Variants in BOC observed in about 807,000 individuals in gnomAD.
BOC encodes the protein BOC cell adhesion associated, oncogene regulated.
In BOC, 76 loss-of-function variants were observed where a neutral mutation model predicts 112.0. That is an observed-to-expected ratio of 0.68 (90% CI 0.56 to 0.82). The LOEUF (loss-of-function observed/expected upper bound fraction) is 0.82, where lower values mean the gene tolerates loss of function less well. Among genes scored for constraint, BOC ranks in the 40% least tolerant of loss-of-function variants. BOC has a pLI of 0.00. For missense variants in BOC, 1,309 were observed against 1,511.7 expected (o/e 0.87, Z 2.22); for synonymous variants, 580 against 599.8 (o/e 0.97, Z 0.48).
intron 2 of BOC, among the ~76,000 whole-genome samples, chr3:113,238,792 G>T (rs1206243805): frequency 1.3e-5 from 2 of 152,182 alleles, no homozygotes; most frequent in African/African-American, 4.8e-5. Flanking sequence ...ACCTTACAGG[G>T]CTACTGTGAG....
At chr3:113,247,047 C>T (rs1265110254) in intron 2 of BOC, among the ~76,000 whole-genome samples, 3 of 152,280 alleles carry the variant, frequency 2.0e-5, no homozygotes, top group Admixed American at 6.5e-5. Context: ...AACCCAACAC[C>T]TCCGTAGCCA....
chr3:113,239,109 A>G (rs111746559), intron 2 of BOC, among the ~76,000 whole-genome samples: 19 of 152,314 alleles, frequency 1.2e-4, no homozygotes, highest in African/African-American at 3.8e-4. Context: ...ACAGCATCAA[A>G]CAAAGTGTAA....
At chr3:113,280,512 G>A (rs1234009623) in intron 13 of BOC, 46 bp from the exon 14 acceptor site, 1 of 1,400,708 alleles carries the variant, frequency 7.1e-7, no homozygotes, top group Non-Finnish European at 1.0e-6. Context: ...CTTTGATGAT[G>A]TTTTCTCTGC....
At chr3:113,273,373 C>G in intron 8 of BOC, 32 bp downstream of exon 8, 2 of 1,555,242 alleles carry the variant, frequency 1.3e-6, no homozygotes, top group Non-Finnish European at 1.7e-6. Context: ...GAGATTCCAG[C>G]TGATGATTCA....
In BOC at chr3:113,217,016, G is replaced by A. The variant is rs368817909; in HGVS notation, c.-82+742G>A. On this transcript the variant is annotated intron_variant, in intron 2 of 19. Coordinates refer to ENST00000682979, the MANE Select transcript of BOC (RefSeq NM_001378074.1). ...TCCAAAGTGAGTTTGGACAGTATTG[G>A]ACAAGATGAAGGTGGTGAAGTAGGT... 3.3e-5 allele frequency among the ~76,000 whole-genome samples: 5 copies of A among 152,342 alleles called. No homozygotes were observed. In the East Asian group the frequency reaches 9.6e-4, roughly 29 times the overall value.
chr3:113,280,952 G>C, intron 14 of BOC, 79 bp from the exon 15 acceptor site: 8 of 1,570,354 alleles, frequency 5.1e-6, no homozygotes, highest in Non-Finnish European at 6.9e-6. Context: ...CACTGCCCCA[G>C]CTGAGTCTGA....
intron 4 of BOC, among the ~76,000 whole-genome samples, chr3:113,263,282 T>G (rs1228242511): frequency 6.6e-6 from 1 of 152,162 alleles, no homozygotes; most frequent in Non-Finnish European, 1.5e-5. Flanking sequence ...TCCAGACCTC[T>G]GTAGAGGAAT....
intron 2 of BOC, among the ~76,000 whole-genome samples, chr3:113,227,265 C>T (rs1941814404): frequency 1.3e-5 from 2 of 152,186 alleles, no homozygotes; most frequent in African/African-American, 4.8e-5. Context: ...TTCATAAGCC[C>T]AAGCTGGCTT....
rs145297278 is a variant in BOC, at chr3:113,268,265, G to C, written c.377-34G>C. Reference sequence around the variant, plus strand: ...TGAAATGTCACACTTTTGCTCTGCTGTCCTCCAACCAGCACCTTCCCTTCT... The same window carrying C: ...TGAAATGTCACACTTTTGCTCTGCTCTCCTCCAACCAGCACCTTCCCTTCT... On this transcript the variant is annotated intron_variant, in intron 4 of 19. Coordinates refer to ENST00000682979, the MANE Select transcript of BOC (RefSeq NM_001378074.1). 6.1e-3 allele frequency: 9,774 copies of C among 1,612,850 alleles called. 34 individuals are homozygous for C. Among genetic ancestry groups the C allele is most frequent in the Non-Finnish European group, 7.6e-3 (9,014 of 1,179,444 alleles).
At chr3:113,218,002 G>A (rs1018719019) in intron 2 of BOC, among the ~76,000 whole-genome samples, 29 of 152,072 alleles carry the variant, frequency 1.9e-4, no homozygotes, top group Non-Finnish European at 2.1e-4. Flanking sequence ...TTGTTTTACC[G>A]TCTGTGGCTC....
At chr3:113,284,657 C>T (rs1949506010) in intron 17 of BOC, 90 bp downstream of exon 17, 5 of 1,522,518 alleles carry the variant, frequency 3.3e-6, no homozygotes, top group Non-Finnish European at 4.5e-6. Context: ...CTCCTAGGGT[C>T]TCAGGCTGGG....
Position 113,250,586 on chromosome 3 carries a change from G to A in BOC, c.129G>A (p.Ala43=), listed in dbSNP as rs752378926. Residue 43 remains alanine, a synonymous_variant, in exon 4 of 20, where the codon GCG becomes GCA. Transcript: ENST00000682979. ...NEVPQVTVQP[A]STVQKPGGTV... is the part of the protein sequence containing the mutation. Reference sequence around the variant, plus strand: ...TCCCTCAGGTCACCGTCCAGCCTGCGTCCACCGTCCAGAAGCCCGGAGGCA... The same window carrying A: ...TCCCTCAGGTCACCGTCCAGCCTGCATCCACCGTCCAGAAGCCCGGAGGCA... 17 of 1,613,832 alleles carry A rather than the reference G, an allele frequency of 1.1e-5. No individual in the cohort carries two copies. Among genetic ancestry groups the A allele is most frequent in the Middle Eastern group, 1.6e-4 (1 of 6,084 alleles).
chr3:113,279,841 C>T lies in BOC; in HGVS notation c.2041C>T (p.Arg681Ter). The part of the protein sequence containing the change: ...GLEKGTSYKF[R>*]VRALNMLGES... Reference sequence around the variant, plus strand: ...CTCACCAGGCACCTCCTACAAGTTTCGAGTCCGGGCTCTGAACATGCTGGG... The same window carrying T: ...CTCACCAGGCACCTCCTACAAGTTTTGAGTCCGGGCTCTGAACATGCTGGG... Residue 681 changes from arginine to a stop codon, truncating the protein, a stop_gained, in exon 13 of 20, where the codon CGA becomes TGA. Coordinates refer to ENST00000682979, the MANE Select transcript of BOC (RefSeq NM_001378074.1). LOFTEE classifies it high-confidence loss of function. 7.5e-6 allele frequency: 12 copies of T among 1,607,492 alleles called. No individual in the cohort carries two copies. The highest frequency in any genetic ancestry group is 1.0e-5 in the Non-Finnish European group (12 of 1,176,568).
rs764590101 is a variant in BOC at position 113,284,909 on chromosome 3, C to T, written c.2966+51C>T. On this transcript the variant is annotated intron_variant, in intron 18 of 19. Coordinates refer to ENST00000682979, the MANE Select transcript of BOC (RefSeq NM_001378074.1). ...CCCAAGCCCCACAGCCTCACTTTCC[C>T]TTTAGCTCCTCAAATCCAAGGCCTG... is the stretch of plus-strand genomic sequence containing the variant. 10 of 1,537,124 alleles carry T rather than the reference C, an allele frequency of 6.5e-6. 1 individual carries two copies. In the South Asian group the frequency reaches 7.8e-5, roughly 12 times the overall value.
At chr3:113,265,933 C>T (rs1374435333) in intron 4 of BOC, among the ~76,000 whole-genome samples, 2 of 152,218 alleles carry the variant, frequency 1.3e-5, no homozygotes, top group Non-Finnish European at 2.9e-5. Flanking sequence ...TTGCTGTATC[C>T]TCAGTACTAT....
At chr3:113,217,876 G>C (rs112275179) in intron 2 of BOC, among the ~76,000 whole-genome samples, 36 of 152,284 alleles carry the variant, frequency 2.4e-4, no homozygotes, top group African/African-American at 7.7e-4. Flanking sequence ...GGCTTTCGGG[G>C]AGAAAAGGAG....
chr3:113,280,484 C>T, intron 13 of BOC, 74 bp from the exon 14 acceptor site: 1 of 1,057,628 alleles, frequency 9.5e-7, no homozygotes, highest in Non-Finnish European at 1.5e-6. Context: ...GTAGAACCTT[C>T]ATACACCAGT....
chr3:113,212,514 T>C (rs1054561739), intron 1 of BOC: 2 of 152,166 alleles, frequency 1.3e-5, no homozygotes, highest in Admixed American at 6.5e-5. Context: ...ACTCGGCCTC[T>C]TTGGAGGGTG....
chr3:113,240,580 A>G (rs1271760165), intron 2 of BOC, among the ~76,000 whole-genome samples: 1 of 152,178 alleles, frequency 6.6e-6, no homozygotes, highest in African/African-American at 2.4e-5. Flanking sequence ...TAAAGTTTCA[A>G]CTATAGGGAA....
Sources: allele counts gnomAD v4.1 joint callset (sites outside exome capture counted in the v4.1 genomes callset), GRCh38; gene constraint gnomAD v4.1.1; transcripts MANE v1.5; gene names NCBI Gene and HGNC (gene_info 2026-07-23, HGNC 2026-07-21).